The following BPTF variants were observed in gnomAD, a reference collection of about 807,000 sequenced individuals.
BPTF encodes bromodomain PHD finger transcription factor, also known as nucleosome-remodeling factor subunit BPTF.
Under a neutral mutation model 292.5 loss-of-function variants are expected in BPTF, and 18 were observed. The observed-to-expected ratio is 0.06, with a 90% CI of 0.04 to 0.09. The LOEUF is 0.09. Ranked by LOEUF, BPTF falls within the 10% of genes least tolerant of loss-of-function variation. The pLI is 1.00. For missense variants in BPTF, 2,726 were observed against 3,498.7 expected (o/e 0.78, Z 5.57); for synonymous variants, 1,225 against 1,251.9 (o/e 0.98, Z 0.45).
At position 67,947,779 on chromosome 17, in the gene BPTF, G is replaced by A. The variant is rs2065919500; in HGVS notation, c.7671G>A (p.Met2557Ile). 1 of 1,553,076 alleles carries A rather than the reference G, an allele frequency of 6.4e-7. No individual in the cohort carries two copies. Among genetic ancestry groups the A allele is most frequent in the Non-Finnish European group, 8.7e-7 (1 of 1,147,678 alleles). Reference sequence around the variant, plus strand: ...AACATTTAAAACAGAAAAAGAGCATGACTCCAGCTGAAAGAGAAGAGAATC... The same window carrying A: ...AACATTTAAAACAGAAAAAGAGCATAACTCCAGCTGAAAGAGAAGAGAATC... Reference protein sequence around the residue: ...VIEHLKQKKSMTPAEREENQR... With the variant: ...VIEHLKQKKSITPAEREENQR... The change falls in exon 22 of 28, where the codon ATG becomes ATA. Residue 2557 changes from methionine (M) to isoleucine (I), a missense_variant. Physicochemically the swap from Met to Ile is conservative, Grantham distance 10 (BLOSUM62 1). Transcript: ENST00000306378.
intron 23 of BPTF, among the ~76,000 whole-genome samples, chr17:67,954,857 C>T (rs2066769081): frequency 6.6e-6 from 1 of 152,140 alleles, no homozygotes; most frequent in Non-Finnish European, 1.5e-5. Flanking sequence ...CAGTCTCTCT[C>T]TATAAATAGA....
At chr17:67,892,377 G>T (rs1185195694) in intron 5 of BPTF, among the ~76,000 whole-genome samples, 1 of 152,202 alleles carries the variant, frequency 6.6e-6, no homozygotes, top group African/African-American at 2.4e-5. Flanking sequence ...TTAAAGAACT[G>T]TAGATGATTC....
intron 7 of BPTF, among the ~76,000 whole-genome samples, chr17:67,895,089 C>G (rs1023344287): frequency 6.6e-6 from 1 of 152,008 alleles, no homozygotes; most frequent in Non-Finnish European, 1.5e-5. Context: ...AGGCATAGCC[C>G]TATAGTTTTT....
At chr17:67,866,888 T>C (rs1433028052) in intron 3 of BPTF, among the ~76,000 whole-genome samples, 1 of 152,224 alleles carries the variant, frequency 6.6e-6, no homozygotes, top group Non-Finnish European at 1.5e-5. Flanking sequence ...ACACAAACCA[T>C]ACACCTAGGT....
In BPTF at chr17:67,873,913, A is replaced by T. The variant is rs370858180; in HGVS notation, c.1661-904A>T. 2.1e-4 allele frequency among the ~76,000 whole-genome samples: 32 copies of T among 152,140 alleles called. 1 individual carries two copies. The South Asian group carries it at 6.7e-3, about 32-fold the overall frequency. ...AAAAGAACAAAGGCTCCTTGGAGAG[A>T]TGGTGGATTGTAGGGCTGGGGCAGG... On this transcript the variant is annotated intron_variant, in intron 3 of 27. Transcript: ENST00000306378.
rs113310597 is a variant in BPTF at position 67,847,021 on chromosome 17, G to A, written c.614-6919G>A. Among the ~76,000 whole-genome samples, 626 of 152,140 alleles carry A rather than the reference G, an allele frequency of 4.1e-3. 5 individuals carry two copies. Among genetic ancestry groups the A allele is most frequent in the African/African-American group, 0.014 (586 of 41,516 alleles). On this transcript the variant is annotated intron_variant, in intron 1 of 27. Transcript: ENST00000306378. ...CAGCTGGACTTGTGGGTTTGTTGTTGTTTTTTTGTTTTATTTGGGACCTGT... is the reference window on the plus strand; with the variant it reads ...CAGCTGGACTTGTGGGTTTGTTGTTATTTTTTTGTTTTATTTGGGACCTGT...
At chr17:67,873,594 A>C (rs1023503841) in intron 3 of BPTF, among the ~76,000 whole-genome samples, 5 of 152,232 alleles carry the variant, frequency 3.3e-5, no homozygotes, top group Non-Finnish European at 7.3e-5. Context: ...CTAGGAATGA[A>C]CAAATAACTA....
At chr17:67,923,054 T>TA in intron 14 of BPTF, 64 bp downstream of exon 14, 17 of 1,467,366 alleles carry the variant, frequency 1.2e-5, no homozygotes, top group East Asian at 2.4e-5. Flanking sequence ...ATCAATAAAT[T>TA]ACTTTTTTTT....
chr17:67,906,907 T>A (rs952790865), intron 9 of BPTF, among the ~76,000 whole-genome samples: 30 of 152,100 alleles, frequency 2.0e-4, no homozygotes, highest in African/African-American at 7.2e-4. Context: ...GAAAATGCCT[T>A]TAAGTCCAGG....
intron 23 of BPTF, among the ~76,000 whole-genome samples, chr17:67,948,957 G>T (rs1568152649): frequency 6.6e-6 from 1 of 151,996 alleles, no homozygotes; most frequent in Non-Finnish European, 1.5e-5. Flanking sequence ...CTGCAGCCTG[G>T]GCAACAGAGC....
In BPTF at chr17:67,964,751, A is replaced by C. The variant is rs370449913; in HGVS notation, c.8454+347A>C. Among the ~76,000 whole-genome samples, 55 of 152,266 alleles carry C rather than the reference A, an allele frequency of 3.6e-4. No homozygotes were observed. The Middle Eastern group carries it at 0.01, about 28-fold the overall frequency. ...CATGGTGGCTCATGCCTGTAATCCC[A>C]GCACTTTGGGAGGCCAAGGTGGGCG... On this transcript the variant is annotated intron_variant, in intron 25 of 27. Transcript: ENST00000306378.
chr17:67,919,884 T>A (rs191234202), intron 12 of BPTF, 131 bp from the exon 13 acceptor site: 1 of 766,604 alleles, frequency 1.3e-6, no homozygotes, highest in Non-Finnish European at 2.1e-6. Flanking sequence ...ATGTTAGTGA[T>A]CCTGTTAATT....
chr17:67,832,704 C>T (rs1223223457), intron 1 of BPTF, among the ~76,000 whole-genome samples: 9 of 151,718 alleles, frequency 5.9e-5, no homozygotes, highest in African/African-American at 1.9e-4. Context: ...GCACCGTCAG[C>T]ATCACTCCCT....
intron 1 of BPTF, among the ~76,000 whole-genome samples, chr17:67,850,412 G>T (rs1192509104): frequency 1.3e-5 from 2 of 152,084 alleles, no homozygotes; most frequent in African/African-American, 4.8e-5. Context: ...TCGCTCTGTT[G>T]CCTAGGCTGG....
chr17:67,922,182 C>T (rs918485220), intron 13 of BPTF, among the ~76,000 whole-genome samples: 2 of 152,208 alleles, frequency 1.3e-5, no homozygotes, highest in Middle Eastern at 3.2e-3. Context: ...AAAATCACTT[C>T]TCTTTGGCTT....
intron 15 of BPTF, among the ~76,000 whole-genome samples, chr17:67,928,114 C>T (rs2064070476): frequency 1.3e-5 from 2 of 152,118 alleles, no homozygotes; most frequent in South Asian, 4.1e-4. Context: ...GAACTCCTGA[C>T]CTCAGGTGAT....
intron 23 of BPTF, among the ~76,000 whole-genome samples, chr17:67,953,188 C>A (rs781931030): frequency 6.6e-6 from 1 of 151,666 alleles, no homozygotes; most frequent in Admixed American, 6.6e-5. Context: ...GTCTCGATCT[C>A]CTGACCTTGT....
chr17:67,827,238 A>G (rs1388129298), intron 1 of BPTF, among the ~76,000 whole-genome samples: 6 of 152,166 alleles, frequency 3.9e-5, no homozygotes, highest in Non-Finnish European at 5.9e-5. Context: ...AACAACTTCT[A>G]AGTCACACGG....
intron 3 of BPTF, among the ~76,000 whole-genome samples, chr17:67,873,799 G>C (rs1031995864): frequency 2.0e-5 from 3 of 152,188 alleles, no homozygotes; most frequent in Non-Finnish European, 4.4e-5. Context: ...TTGGCTGAGA[G>C]ACTCTAGAAT....
Sources: gnomAD v4.1 joint callset for allele counts (sites outside exome capture counted in the v4.1 genomes callset) on GRCh38, gnomAD v4.1.1 for gene constraint, MANE v1.5 for transcripts, NCBI Gene and HGNC (gene_info 2026-07-23, HGNC 2026-07-21) for gene names.